LINGO2: variants seen among roughly 807,000 people sequenced by gnomAD.
The protein encoded by LINGO2 is leucine rich repeat and Ig domain containing 2.
Under a neutral mutation model 30.6 loss-of-function variants are expected in LINGO2, and 14 were observed. The observed-to-expected ratio is 0.46, with a 90% CI of 0.30 to 0.72. The LOEUF is 0.72. Among genes scored for constraint, LINGO2 ranks in the 30% least tolerant of loss-of-function variants. The pLI, the probability that LINGO2 is intolerant of heterozygous loss-of-function variation, is 0.07. For missense variants in LINGO2, 729 were observed against 751.7 expected, an observed-to-expected ratio of 0.97 and a Z score of 0.35; for synonymous variants, 317 against 288.5, an observed-to-expected ratio of 1.10 and a Z score of -1.00.
the LINGO2 span, among the ~76,000 whole-genome samples, chr9:28,738,430 G>C: frequency 1.3e-5 from 2 of 151,976 alleles, no homozygotes; most frequent in African/African-American, 4.8e-5. Context: ...AGATGTTCAG[G>C]GAGGTTAACT....
chr9:27,959,329 T>C (rs749174809), intron 5 of LINGO2, among the ~76,000 whole-genome samples: 6 of 151,986 alleles, frequency 3.9e-5, no homozygotes, highest in Non-Finnish European at 8.8e-5. Flanking sequence ...TTTTAATTCA[T>C]TTTCGCTTCC....
intron 4 of LINGO2, among the ~76,000 whole-genome samples, chr9:28,070,108 G>T (rs1256478578): frequency 1.3e-5 from 2 of 152,152 alleles, no homozygotes; most frequent in East Asian, 3.9e-4. Context: ...AACCTGGAGA[G>T]ATACTCCAGA....
the LINGO2 span, among the ~76,000 whole-genome samples, chr9:28,844,511 C>T: frequency 6.6e-6 from 1 of 151,838 alleles, no homozygotes; most frequent in Admixed American, 6.6e-5. Context: ...AACAAAAGTG[C>T]ATGCAGTCTT....
chr9:28,537,716 G>C (rs1821497227), intron 1 of LINGO2, among the ~76,000 whole-genome samples: 1 of 151,812 alleles, frequency 6.6e-6, no homozygotes, highest in African/African-American at 2.4e-5. Flanking sequence ...GGTATGATGA[G>C]AACTTATAAT....
the LINGO2 span, among the ~76,000 whole-genome samples, chr9:28,877,218 G>C: frequency 6.6e-6 from 1 of 151,350 alleles, no homozygotes; most frequent in Non-Finnish European, 1.5e-5. Flanking sequence ...TCACTCTGAT[G>C]GTAGTTTCTT....
the LINGO2 span, among the ~76,000 whole-genome samples, chr9:28,754,832 A>C: frequency 4.6e-5 from 7 of 151,758 alleles, no homozygotes; most frequent in African/African-American, 1.7e-4. Context: ...AGGGTTTCAC[A>C]GTGTTAGCCA....
chr9:28,064,037 A>C (rs1016966897), intron 4 of LINGO2, among the ~76,000 whole-genome samples: 5 of 152,188 alleles, frequency 3.3e-5, no homozygotes, highest in African/African-American at 1.2e-4. Flanking sequence ...AAGACCAAAA[A>C]CAATGTGTGA....
the LINGO2 span, among the ~76,000 whole-genome samples, chr9:29,082,803 G>A: frequency 0.041 from 6,275 of 152,090 alleles, 198 homozygotes; most frequent in Admixed American, 0.08. Context: ...AAAAGAAGAC[G>A]TTTATGCAGC....
rs555730128 is a variant in LINGO2, at chr9:28,010,415, C to T, written c.-36+1940G>A. Among the ~76,000 whole-genome samples, 3 of 152,290 alleles carry T rather than the reference C, an allele frequency of 2.0e-5. No homozygotes were observed. In the South Asian group the frequency reaches 6.2e-4, roughly 32 times the overall value. ...CACTCCTCTGGGCCCCTTTCCTCAC[C>T]CATATGATACCACTTGATTGTTTTT... On this transcript the variant is annotated intron_variant, in intron 5 of 5. Transcript: ENST00000379992.
the LINGO2 span, among the ~76,000 whole-genome samples, chr9:28,866,744 T>C: frequency 1.9e-3 from 289 of 152,302 alleles, 1 homozygote; most frequent in African/African-American, 6.9e-3. Context: ...ATAATTAACT[T>C]TATTCTCTTA....
chr9:28,747,805 C>T, the LINGO2 span, among the ~76,000 whole-genome samples: 5 of 152,166 alleles, frequency 3.3e-5, no homozygotes, highest in Non-Finnish European at 5.9e-5. Flanking sequence ...AAGCCCAATT[C>T]GATGTCATAA....
At chr9:28,243,771 G>A (rs1392605977) in intron 4 of LINGO2, among the ~76,000 whole-genome samples, 2 of 152,106 alleles carry the variant, frequency 1.3e-5, no homozygotes, top group African/African-American at 4.8e-5. Context: ...AACAAGAGGA[G>A]CTGACTATCC....
the LINGO2 span, among the ~76,000 whole-genome samples, chr9:28,967,820 T>C: frequency 8.1e-4 from 124 of 152,296 alleles, no homozygotes; most frequent in Admixed American, 3.1e-3. Context: ...TTCTTCTCTT[T>C]CACCTCTAGC....
the LINGO2 span, among the ~76,000 whole-genome samples, chr9:28,706,733 C>A: frequency 6.6e-6 from 1 of 152,034 alleles, no homozygotes; most frequent in African/African-American, 2.4e-5. Context: ...AACTACTAGG[C>A]TAACAAACCT....
the LINGO2 span, among the ~76,000 whole-genome samples, chr9:28,734,957 G>A: frequency 6.6e-6 from 1 of 151,998 alleles, no homozygotes; most frequent in Non-Finnish European, 1.5e-5. Context: ...TTTTTGTGTT[G>A]TTTTATGTTT....
intron 2 of LINGO2, among the ~76,000 whole-genome samples, chr9:28,468,696 C>T (rs535687009): frequency 6.6e-6 from 1 of 152,242 alleles, no homozygotes; most frequent in South Asian, 2.1e-4. Context: ...GGAAAGCAAT[C>T]ACAGTTCTAC....
At chr9:28,724,048 A>G in the LINGO2 span, among the ~76,000 whole-genome samples, 1 of 152,148 alleles carries the variant, frequency 6.6e-6, no homozygotes, top group Non-Finnish European at 1.5e-5. Flanking sequence ...CAAACATACC[A>G]TATAAAGAAG....
the LINGO2 span, among the ~76,000 whole-genome samples, chr9:29,002,170 T>C: frequency 2.0e-5 from 3 of 152,068 alleles, no homozygotes; most frequent in African/African-American, 4.8e-5. Context: ...GATGGGTATA[T>C]TCTTATACCA....
intron 4 of LINGO2, among the ~76,000 whole-genome samples, chr9:28,072,546 AGTGAAGAATC>A (rs1825509596): frequency 6.6e-6 from 1 of 152,210 alleles, no homozygotes. Flanking sequence ...ATTTCTCTGG[AGTGAAGAATC>A]ATATATCCCT....
Sources: allele counts gnomAD v4.1 joint callset (sites outside exome capture counted in the v4.1 genomes callset), GRCh38; gene constraint gnomAD v4.1.1; transcripts MANE v1.5; gene names NCBI Gene and HGNC (gene_info 2026-07-23, HGNC 2026-07-21).